The following CORO1C variants were observed in gnomAD, a reference collection of about 807,000 sequenced individuals.
The protein encoded by CORO1C is coronin 1C.
A neutral mutation model predicts 51.2 loss-of-function variants in CORO1C; 14 were observed. The observed-to-expected ratio is 0.27, with a 90% confidence interval of 0.18 to 0.43. The LOEUF is 0.43. Ranked by LOEUF, CORO1C falls within the 20% of genes least tolerant of loss-of-function variation. CORO1C has a pLI of 1.00. For synonymous variants in CORO1C, 181 were observed against 210.5 expected (o/e 0.86, Z 1.21); for missense variants, 417 against 607.8 (o/e 0.69, Z 3.30).
intron 1 of CORO1C, among the ~76,000 whole-genome samples, chr12:108,703,286 CA>C (rs2034931329): frequency 6.6e-6 from 1 of 152,188 alleles, no homozygotes; most frequent in South Asian, 2.1e-4. Flanking sequence ...AACGTTCTTA[CA>C]AATTCATACA....
At chr12:108,652,177 A>T (rs2032702786) in intron 8 of CORO1C, 95 bp downstream of exon 8, 2 of 1,180,014 alleles carry the variant, frequency 1.7e-6, no homozygotes, top group East Asian at 5.0e-5. Context: ...GAATGGTCAG[A>T]TATTTTTGAG....
At chr12:108,678,860 G>A (rs1478354981) in intron 2 of CORO1C, among the ~76,000 whole-genome samples, 2 of 151,688 alleles carry the variant, frequency 1.3e-5, no homozygotes, top group Non-Finnish European at 2.9e-5. Context: ...GGTGGCTCAC[G>A]CCTATAATCC....
intron 2 of CORO1C, among the ~76,000 whole-genome samples, chr12:108,693,336 G>A (rs1385818013): frequency 6.6e-6 from 1 of 152,004 alleles, no homozygotes; most frequent in East Asian, 1.9e-4. Context: ...TTCATGAAGG[G>A]GACTATCCAC....
intron 1 of CORO1C, chr12:108,701,730 G>A (rs2034877334): frequency 5.3e-6 from 1 of 189,140 alleles, no homozygotes; most frequent in South Asian, 9.7e-5. Context: ...GCTGAAGAAA[G>A]CCGAAAAACA....
intron 2 of CORO1C, among the ~76,000 whole-genome samples, chr12:108,689,880 T>C (rs1218011514): frequency 2.0e-5 from 3 of 152,320 alleles, no homozygotes; most frequent in Middle Eastern, 3.4e-3. Context: ...GAATGTTAAG[T>C]CACACATGTG....
At chr12:108,696,075 G>A (rs1400753056) in intron 2 of CORO1C, among the ~76,000 whole-genome samples, 3 of 152,096 alleles carry the variant, frequency 2.0e-5, no homozygotes, top group African/African-American at 4.8e-5. Context: ...AGGAGCCCAT[G>A]GGAGAGAAGA....
chr12:108,651,249 AAC>A (rs1275896140), intron 8 of CORO1C, among the ~76,000 whole-genome samples: 2 of 152,240 alleles, frequency 1.3e-5, no homozygotes, highest in Admixed American at 6.5e-5. Context: ...AGTCCACATA[AAC>A]ACAGTGTTAC....
At chr12:108,717,292 T>C (rs959426290) in intron 1 of CORO1C, among the ~76,000 whole-genome samples, 3 of 152,148 alleles carry the variant, frequency 2.0e-5, no homozygotes, top group African/African-American at 7.2e-5. Context: ...AGAGCAAGGG[T>C]AGAAGAGGCT....
At chr12:108,698,152 A>C (rs921237829) in intron 2 of CORO1C, among the ~76,000 whole-genome samples, 15 of 152,226 alleles carry the variant, frequency 9.9e-5, no homozygotes, top group African/African-American at 2.7e-4. Flanking sequence ...ACCTAGGCAC[A>C]TGACTGTCAT....
chr12:108,678,167 CT>C (rs1260937516), intron 3 of CORO1C, 104 bp downstream of exon 3: 2 of 965,520 alleles, frequency 2.1e-6, no homozygotes, highest in Non-Finnish European at 2.9e-6. Context: ...CTATAACGTT[CT>C]GCTTTTCAAG....
At chr12:108,727,770 G>T (rs1478041250) in intron 1 of CORO1C, among the ~76,000 whole-genome samples, 1 of 152,024 alleles carries the variant, frequency 6.6e-6, no homozygotes, top group Non-Finnish European at 1.5e-5. Flanking sequence ...TAAAATCTTT[G>T]TTCCTAAAAA....
Position 108,654,220 on chromosome 12 carries a change from C to G in CORO1C, c.855+86G>C. On this transcript the variant is annotated intron_variant, in intron 7 of 10. Transcript: ENST00000261401. ...ACAAATTAGAAAAATTAAACAGATA[C>G]AACACATTGCCCGTCCTCTAAATCT... 5 of 868,572 alleles carry G rather than the reference C, an allele frequency of 5.8e-6. No individual in the cohort carries two copies. In the South Asian group the frequency reaches 7.1e-5, roughly 12 times the overall value. 53.8% of individuals were successfully genotyped at this position (868,572 alleles called of 1,614,324 possible).
At chr12:108,712,701 G>C (rs1040143691) in intron 1 of CORO1C, among the ~76,000 whole-genome samples, 3 of 151,588 alleles carry the variant, frequency 2.0e-5, no homozygotes, top group African/African-American at 7.3e-5. Context: ...TAAAAATTTG[G>C]CCGGGCACGT....
intron 2 of CORO1C, among the ~76,000 whole-genome samples, chr12:108,682,222 T>C (rs1446159360): frequency 6.6e-6 from 1 of 151,968 alleles, no homozygotes; most frequent in African/African-American, 2.4e-5. Flanking sequence ...AGCACAAAGA[T>C]GGTGGAAATA....
At chr12:108,700,738 C>G (rs1592926095) in intron 2 of CORO1C, among the ~76,000 whole-genome samples, 1 of 152,174 alleles carries the variant, frequency 6.6e-6, no homozygotes, top group East Asian at 1.9e-4. Flanking sequence ...AATTTCTGCC[C>G]ATTTGAAAAT....
chr12:108,704,503 C>T (rs1304115547), intron 1 of CORO1C, among the ~76,000 whole-genome samples: 1 of 152,020 alleles, frequency 6.6e-6, no homozygotes, highest in Non-Finnish European at 1.5e-5. Flanking sequence ...CCATATTATG[C>T]ATACTTATTT....
chr12:108,695,757 T>A (rs979134111), intron 2 of CORO1C, among the ~76,000 whole-genome samples: 5 of 149,076 alleles, frequency 3.4e-5, no homozygotes, highest in Admixed American at 2.7e-4. Context: ...TATAAGAAAT[T>A]AAAGTCCTAA....
chr12:108,725,248 G>A (rs1274830975), intron 1 of CORO1C, among the ~76,000 whole-genome samples: 4 of 152,148 alleles, frequency 2.6e-5, no homozygotes, highest in Non-Finnish European at 5.9e-5. Context: ...AAATCCTCAG[G>A]TGGGAGTAGG....
At chr12:108,692,617 C>A (rs777989188) in intron 2 of CORO1C, among the ~76,000 whole-genome samples, 1 of 152,176 alleles carries the variant, frequency 6.6e-6, no homozygotes, top group Non-Finnish European at 1.5e-5. Flanking sequence ...TGAACTGCTG[C>A]GATTTCATCA....
Sources: gnomAD v4.1 joint callset for allele counts (sites outside exome capture counted in the v4.1 genomes callset) on GRCh38, gnomAD v4.1.1 for gene constraint, MANE v1.5 for transcripts, NCBI Gene and HGNC (gene_info 2026-07-23, HGNC 2026-07-21) for gene names.